Variants in GDPD1 observed in about 807,000 individuals in gnomAD.
GDPD1 encodes the protein lysophospholipase D GDPD1.
Under a neutral mutation model 45.1 loss-of-function variants are expected in GDPD1, and 28 were observed. That is an observed-to-expected ratio of 0.62 (90% CI 0.46 to 0.85). The LOEUF (loss-of-function observed/expected upper bound fraction) is 0.85. Among genes scored for constraint, GDPD1 ranks in the 40% least tolerant of loss-of-function variants. GDPD1 has a pLI of 0.00. For missense variants in GDPD1, 256 were observed against 364.8 expected (o/e 0.70, Z 2.43); for synonymous variants, 139 against 131.4 (o/e 1.06, Z -0.40).
chr17:59,224,431 G>A (rs146512414), intron 1 of GDPD1, among the ~76,000 whole-genome samples: 1 of 152,140 alleles, frequency 6.6e-6, no homozygotes, highest in Non-Finnish European at 1.5e-5. Flanking sequence ...GACCATCCTG[G>A]CTAACGATGG....
intron 2 of GDPD1, among the ~76,000 whole-genome samples, chr17:59,238,926 T>C (rs891358795): frequency 6.6e-6 from 1 of 152,114 alleles, no homozygotes; most frequent in Non-Finnish European, 1.5e-5. Flanking sequence ...AACTAAGGAA[T>C]TGTACTATAC....
At chr17:59,235,796 AAT>A (rs1413305444) in intron 2 of GDPD1, among the ~76,000 whole-genome samples, 1 of 150,950 alleles carries the variant, frequency 6.6e-6, no homozygotes, top group Non-Finnish European at 1.5e-5. Context: ...CAGCCTGGGC[AAT>A]AGAGTGAGAC....
chr17:59,228,859 A>G (rs2047067041), intron 1 of GDPD1, among the ~76,000 whole-genome samples: 2 of 151,766 alleles, frequency 1.3e-5, no homozygotes, highest in Non-Finnish European at 1.5e-5. Flanking sequence ...CAGCCTGGGC[A>G]ACAGAGTGAG....
Position 59,271,052 on chromosome 17 carries a change from A to T in GDPD1, c.770+57A>T, listed in dbSNP as rs1043838532. On this transcript the variant is annotated intron_variant, in intron 8 of 9. Transcript: ENST00000284116. ...ATTGCTTCAGCTATATTTATTAAATACTACCCTTAAAATGTTGTGCAAGCT... is the reference window on the plus strand; with the variant it reads ...ATTGCTTCAGCTATATTTATTAAATTCTACCCTTAAAATGTTGTGCAAGCT... The T allele has an allele frequency of 8.7e-6, 9 of 1,032,082 alleles. No homozygotes were observed. The African/African-American group carries it at 1.5e-4, about 17-fold the overall frequency. 63.9% of individuals were successfully genotyped at this position (1,032,082 alleles called of 1,614,324 possible).
chr17:59,242,284 A>G (rs554099810), intron 2 of GDPD1, among the ~76,000 whole-genome samples: 2 of 152,200 alleles, frequency 1.3e-5, no homozygotes, highest in Non-Finnish European at 2.9e-5. Context: ...GCTGGCCTTG[A>G]ACTACTGACC....
At chr17:59,232,320 T>C (rs1391387848) in intron 1 of GDPD1, among the ~76,000 whole-genome samples, 1 of 151,902 alleles carries the variant, frequency 6.6e-6, no homozygotes, top group Non-Finnish European at 1.5e-5. Context: ...TGTGGTGGTA[T>C]ATGCCTGTAG....
intron 3 of GDPD1, 67 bp from the exon 4 acceptor site, chr17:59,248,673 A>T: frequency 1.8e-6 from 2 of 1,113,002 alleles, no homozygotes; most frequent in South Asian, 2.7e-5. Flanking sequence ...TTGTGTCTTA[A>T]TGTAACACAT....
intron 1 of GDPD1, among the ~76,000 whole-genome samples, chr17:59,227,684 T>C (rs1183584323): frequency 6.6e-6 from 1 of 152,142 alleles, no homozygotes; most frequent in Non-Finnish European, 1.5e-5. Flanking sequence ...GAATGTTTAC[T>C]CTAGTATTTC....
chr17:59,266,260 C>T (rs936620068), intron 6 of GDPD1, among the ~76,000 whole-genome samples: 3 of 151,576 alleles, frequency 2.0e-5, no homozygotes, highest in African/African-American at 4.8e-5. Flanking sequence ...TGGTGGTGTG[C>T]GCCTGTAATC....
At chr17:59,273,539 C>CT (rs1432058409) in intron 9 of GDPD1, 112 bp from the exon 10 acceptor site, 37 of 506,126 alleles carry the variant, frequency 7.3e-5, no homozygotes, top group African/African-American at 7.2e-4. Flanking sequence ...TAAATGATAG[C>CT]TTTAAAAGGT....
chr17:59,259,557 ACT>A (rs1340949166), intron 6 of GDPD1, among the ~76,000 whole-genome samples: 1 of 112,074 alleles, frequency 8.9e-6, no homozygotes, highest in Non-Finnish European at 1.7e-5. Flanking sequence ...ACAGAGCAAG[ACT>A]CTGTCTCAAA....
At chr17:59,225,845 C>T (rs985331274) in intron 1 of GDPD1, among the ~76,000 whole-genome samples, 4 of 152,066 alleles carry the variant, frequency 2.6e-5, no homozygotes, top group African/African-American at 9.7e-5. Context: ...CCTCTGCCTC[C>T]CAAGTAGCTG....
chr17:59,273,120 T>C (rs1372163840), intron 9 of GDPD1: 6 of 239,974 alleles, frequency 2.5e-5, no homozygotes, highest in African/African-American at 1.3e-4. Context: ...TATATTTCTT[T>C]TTTTACTTTT....
At chr17:59,238,437 G>A (rs560832563) in intron 2 of GDPD1, among the ~76,000 whole-genome samples, 9 of 148,368 alleles carry the variant, frequency 6.1e-5, no homozygotes, top group African/African-American at 1.5e-4. Context: ...TTTCCGAGAC[G>A]GAGTCTCACT....
chr17:59,251,377 G>A (rs549172170), intron 4 of GDPD1, among the ~76,000 whole-genome samples: 2 of 151,862 alleles, frequency 1.3e-5, no homozygotes, highest in Non-Finnish European at 2.9e-5. Context: ...AAATTAGCCG[G>A]GCATGGTGAC....
chr17:59,263,216 G>C (rs773278548), intron 6 of GDPD1, among the ~76,000 whole-genome samples: 1 of 151,914 alleles, frequency 6.6e-6, no homozygotes, highest in Non-Finnish European at 1.5e-5. Context: ...ATTTTTTGTA[G>C]AGATGGAGTC....
chr17:59,255,019 GAAGTA>G (rs750054180), intron 4 of GDPD1, among the ~76,000 whole-genome samples: 27 of 152,182 alleles, frequency 1.8e-4, no homozygotes, highest in Non-Finnish European at 2.6e-4. Flanking sequence ...AGAATTACAA[GAAGTA>G]TAGTAACAGA....
At position 59,257,808 on chromosome 17, in the gene GDPD1, A is replaced by AC. The variant is rs756165527; in HGVS notation, c.544_545insC (p.Asn182ThrfsTer3). The stretch of plus-strand genomic sequence containing the variant: ...ACACTTAACAGTGTGGGGTAATGCC[A>AC]ATTATGAAATTGTAGAAAAGTGCTA... On this transcript the variant is annotated frameshift_variant, in exon 6 of 10. Transcript: ENST00000284116. LOFTEE classifies it high-confidence loss of function. 1 of 1,604,192 alleles carries AC rather than the reference A, an allele frequency of 6.2e-7. No homozygotes were observed. Among genetic ancestry groups the AC allele is most frequent in the Non-Finnish European group, 8.5e-7 (1 of 1,175,264 alleles).
At chr17:59,262,052 G>A (rs916465060) in intron 6 of GDPD1, among the ~76,000 whole-genome samples, 3 of 148,622 alleles carry the variant, frequency 2.0e-5, no homozygotes, top group Non-Finnish European at 4.5e-5. Flanking sequence ...CAAGTAGCTG[G>A]GACTACAGGC....
Sources: gnomAD v4.1 joint callset for allele counts (sites outside exome capture counted in the v4.1 genomes callset) on GRCh38, gnomAD v4.1.1 for gene constraint, MANE v1.5 for transcripts, NCBI Gene and HGNC (gene_info 2026-07-23, HGNC 2026-07-21) for gene names.